PUM2: variants seen among roughly 807,000 people sequenced by gnomAD.
The protein encoded by PUM2 is pumilio homolog 2.
Under a neutral mutation model 124.5 loss-of-function variants are expected in PUM2, and 57 were observed. The ratio of observed to expected loss-of-function variants is 0.46; its 90% confidence interval spans 0.37 to 0.57. The LOEUF is 0.57. Ranked by LOEUF, PUM2 falls within the 20% of genes least tolerant of loss-of-function variation. The pLI is 0.00. For missense variants in PUM2, 1,065 were observed against 1,290.6 expected (o/e 0.83, Z 2.68); for synonymous variants, 460 against 446.1 (o/e 1.03, Z -0.39).
rs750900644 is a variant in PUM2 at position 20,263,413 on chromosome 2, C to T, written c.2005G>A (p.Ala669Thr). The T allele has an allele frequency of 2.5e-6, 4 of 1,614,156 alleles. No individual in the cohort carries two copies. Among genetic ancestry groups the T allele is most frequent in the South Asian group, 1.1e-5 (1 of 91,086 alleles). ...GAAGCACTTCGATATTTTGCTTCTGCTCCAGGTGCTGCAGAGATATATCGA... is the reference window on the plus strand; with the variant it reads ...GAAGCACTTCGATATTTTGCTTCTGTTCCAGGTGCTGCAGAGATATATCGA... ...SGRYISAAPG[A>T]EAKYRSASST... The change falls in exon 14 of 21, where the codon GCA (alanine) becomes ACA (threonine). Residue 669 changes from alanine (A) to threonine (T), a missense_variant. Physicochemically the swap from Ala to Thr is moderately conservative, Grantham distance 58 (BLOSUM62 0). Coordinates refer to ENST00000361078, the MANE Select transcript of PUM2 (RefSeq NM_015317.5).
At position 20,278,691 on chromosome 2, in the gene PUM2, A is replaced by C; in HGVS notation, c.1849T>G (p.Ser617Ala). Residue 617 changes from serine to alanine, a missense_variant, in exon 13 of 21, where the codon TCC (serine) becomes GCC (alanine). Ser to Ala is a moderately conservative substitution (Grantham distance 99). Coordinates refer to ENST00000361078, the MANE Select transcript of PUM2 (RefSeq NM_015317.5). Reference protein sequence around the residue: ...QPFYNSLGFSSSPSPIGMPLP... With the variant: ...QPFYNSLGFSASPSPIGMPLP... ...GGCATGCCTATTGGACTTGGAGAGGAGGAAAATCCCAGACTATTGTAAAAT... is the reference window on the plus strand; with the variant it reads ...GGCATGCCTATTGGACTTGGAGAGGCGGAAAATCCCAGACTATTGTAAAAT... 1 of 1,613,582 alleles carries C rather than the reference A, an allele frequency of 6.2e-7. No individual in the cohort carries two copies. The highest frequency in any genetic ancestry group is 8.5e-7 in the Non-Finnish European group (1 of 1,179,702).
intron 2 of PUM2, among the ~76,000 whole-genome samples, chr2:20,319,344 G>A (rs752816218): frequency 6.6e-6 from 1 of 152,166 alleles, no homozygotes; most frequent in Admixed American, 6.5e-5. Context: ...TTAGGAGGTG[G>A]CCAACTTGGA....
chr2:20,260,364 G>T lies in PUM2; in HGVS notation c.2328C>A (p.Gly776=). 6.2e-7 allele frequency: 1 copy of T among 1,611,732 alleles called. No individual in the cohort carries two copies. The highest frequency in any genetic ancestry group is 8.5e-7 in the Non-Finnish European group (1 of 1,178,708). Residue 776 remains glycine, a synonymous_variant, in exon 15 of 21, where the codon GGC becomes GGA. Transcript: ENST00000361078. The part of the protein sequence containing the change: ...AAYQLMTDVF[G]NYVIQKFFEF... Reference sequence around the variant, plus strand: ...CAAAAAACTTCTGTATAACATAGTTGCCAAAAACATCAGTCATTAATTGAT... The same window carrying T: ...CAAAAAACTTCTGTATAACATAGTTTCCAAAAACATCAGTCATTAATTGAT...
intron 17 of PUM2, among the ~76,000 whole-genome samples, chr2:20,255,748 A>C (rs1162587999): frequency 6.6e-6 from 1 of 152,194 alleles, no homozygotes; most frequent in Non-Finnish European, 1.5e-5. Context: ...CCCTTCTCTG[A>C]GTAAACCTGA....
At chr2:20,307,850 A>G in intron 7 of PUM2, 128 bp downstream of exon 7, 3 of 1,222,374 alleles carry the variant, frequency 2.5e-6, no homozygotes, top group Non-Finnish European at 3.2e-6. Flanking sequence ...TTTGTCATAC[A>G]ACCTATTACT....
In PUM2 at chr2:20,263,358, C is replaced by G. The variant is rs748099859; in HGVS notation, c.2060G>C (p.Ser687Thr). ...SSTSSLFSSS[S>T]QLFPPSRLRY... ...AAGCCGGGAAGGAGGAAAGAGCTGG[C>G]TGCTGGAGCTAAATAGACTGGAAGT... The change falls in exon 14 of 21, where the codon AGC (serine) becomes ACC (threonine). Residue 687 changes from serine to threonine, a missense_variant. This residue lies in a region of PUM2 where 968 missense variants were observed against 1,159.8 expected (regional missense o/e 0.83). Coordinates refer to ENST00000361078, the MANE Select transcript of PUM2 (RefSeq NM_015317.5). 1 of 1,614,206 alleles carries G rather than the reference C, an allele frequency of 6.2e-7. No homozygotes were observed. The highest frequency in any genetic ancestry group is 1.7e-5 in the Admixed American group (1 of 60,030).
At chr2:20,287,828 G>C (rs1399050961) in intron 10 of PUM2, among the ~76,000 whole-genome samples, 1 of 152,218 alleles carries the variant, frequency 6.6e-6, no homozygotes, top group Admixed American at 6.5e-5. Flanking sequence ...TTGCAGCCAA[G>C]AGTTTCTAGT....
intron 13 of PUM2, among the ~76,000 whole-genome samples, chr2:20,277,028 T>A (rs1429873863): frequency 1.3e-5 from 2 of 152,018 alleles, no homozygotes; most frequent in Non-Finnish European, 2.9e-5. Flanking sequence ...CATAGAGACA[T>A]CTAAAAAGTC....
At chr2:20,321,876 C>A (rs950666404) in intron 2 of PUM2, among the ~76,000 whole-genome samples, 4 of 152,102 alleles carry the variant, frequency 2.6e-5, no homozygotes, top group Admixed American at 2.6e-4. Flanking sequence ...GCTCTTCTAT[C>A]CTAACTCCAG....
At chr2:20,277,814 C>T (rs773391019) in intron 13 of PUM2, among the ~76,000 whole-genome samples, 38 of 151,958 alleles carry the variant, frequency 2.5e-4, no homozygotes, top group Admixed American at 1.2e-3. Context: ...TATAAAAATT[C>T]AAAATAAAGT....
intron 13 of PUM2, among the ~76,000 whole-genome samples, chr2:20,263,675 TA>T (rs1436132041): frequency 1.3e-5 from 2 of 151,972 alleles, no homozygotes; most frequent in African/African-American, 2.4e-5. Flanking sequence ...ATGAGAAAAA[TA>T]AGTGTGTATT....
In PUM2 at chr2:20,263,140, A is replaced by C. The variant is rs994931318; in HGVS notation, c.2225+53T>G. 10 of 1,498,474 alleles carry C rather than the reference A, an allele frequency of 6.7e-6. No individual in the cohort carries two copies. In the Admixed American group the frequency reaches 1.7e-4, roughly 25 times the overall value. The allele number at this position is 1,498,474 out of a possible 1,614,324, so 92.8% of individuals were successfully genotyped here. A position where few individuals can be genotyped will look rare whatever the true frequency, so the allele number is the denominator to read the frequency against. On this transcript the variant is annotated intron_variant, in intron 14 of 20. Coordinates refer to ENST00000361078, the MANE Select transcript of PUM2 (RefSeq NM_015317.5). ...AGTCCAGAAAAATTTAAGCTTTTAT[A>C]AGGCAGCAATTTTCAAAGCAAAAAT...
At chr2:20,318,261 A>G (rs1353638740) in intron 3 of PUM2, among the ~76,000 whole-genome samples, 1 of 152,204 alleles carries the variant, frequency 6.6e-6, no homozygotes, top group Admixed American at 6.5e-5. Flanking sequence ...ATAAAATCTT[A>G]CTGTGACAAA....
At chr2:20,323,588 A>T (rs762343887) in intron 2 of PUM2, among the ~76,000 whole-genome samples, 4 of 152,106 alleles carry the variant, frequency 2.6e-5, no homozygotes, top group Non-Finnish European at 5.9e-5. Flanking sequence ...ACTGATTTCA[A>T]ATATTATATT....
chr2:20,312,660 T>G (rs577511037), intron 3 of PUM2, among the ~76,000 whole-genome samples: 23 of 152,276 alleles, frequency 1.5e-4, no homozygotes, highest in African/African-American at 5.3e-4. Context: ...AATTTACAGA[T>G]TCAATGCTAT....
intron 3 of PUM2, among the ~76,000 whole-genome samples, chr2:20,314,669 T>C (rs2148654324): frequency 6.6e-6 from 1 of 152,350 alleles, no homozygotes; most frequent in Admixed American, 6.5e-5. Flanking sequence ...CCAGGTTTGT[T>C]AAACCAAATC....
chr2:20,275,299 C>T (rs1459068652), intron 13 of PUM2, among the ~76,000 whole-genome samples: 1 of 151,896 alleles, frequency 6.6e-6, no homozygotes. Context: ...CAAAATCTAC[C>T]CATTTGTAGA....
At chr2:20,335,673 A>G (rs1685845504) in intron 1 of PUM2, among the ~76,000 whole-genome samples, 1 of 152,212 alleles carries the variant, frequency 6.6e-6, no homozygotes, top group Non-Finnish European at 1.5e-5. Flanking sequence ...TATAACAAAG[A>G]ATAGTATTAC....
In PUM2 at chr2:20,315,028, T is replaced by G. The variant is rs373880242; in HGVS notation, c.161-2605A>C. ...AGATGGGCATCAATCCTTCCAAGTC[T>G]TCAAATCAATGCCACCAAAGGAAGT... On this transcript the variant is annotated intron_variant, in intron 3 of 20. Coordinates refer to ENST00000361078, the MANE Select transcript of PUM2 (RefSeq NM_015317.5). Among the ~76,000 whole-genome samples the G allele has an allele frequency of 3.4e-4, 50 of 149,052 alleles. No homozygotes were observed. In the South Asian group the frequency reaches 9.7e-3, roughly 29 times the overall value.
Sources: gnomAD v4.1 joint callset for allele counts (sites outside exome capture counted in the v4.1 genomes callset) on GRCh38, gnomAD v4.1.1 for gene constraint, gnomAD v4.1.1 regional missense constraint, MANE v1.5 for transcripts, NCBI Gene and HGNC (gene_info 2026-07-23, HGNC 2026-07-21) for gene names.